PHEX: variants seen among roughly 807,000 people sequenced by gnomAD.
The protein encoded by PHEX is phosphate regulating endopeptidase X-linked, also known as phosphate-regulating neutral endopeptidase PHEX.
A neutral mutation model predicts 68.0 loss-of-function variants in PHEX; 16 were observed. That is an observed-to-expected ratio of 0.24 (90% CI 0.16 to 0.36). The LOEUF is 0.36. PHEX is among the 10% of genes least tolerant of loss of function. The pLI, the probability that PHEX is intolerant of heterozygous loss-of-function variation, is 1.00. For missense variants in PHEX, 480 were observed against 575.5 expected (o/e 0.83, Z 1.70); for synonymous variants, 208 against 205.1 (o/e 1.01, Z -0.12).
intron 3 of PHEX, among the ~76,000 whole-genome samples, chrX:22,052,032 G>T (rs2146992525): frequency 9.0e-6 from 1 of 110,875 alleles, no homozygotes; most frequent in East Asian, 2.8e-4. Flanking sequence ...TGTCAGTCTA[G>T]CTACCTAGTC....
At chrX:22,231,742 G>T (rs1332058930) in intron 20 of PHEX, among the ~76,000 whole-genome samples, 1 of 111,269 alleles carries the variant, frequency 9.0e-6, no homozygotes, top group Non-Finnish European at 1.9e-5. Context: ...TTGATTTTTT[G>T]AAGGGTTTTT....
intron 15 of PHEX, among the ~76,000 whole-genome samples, chrX:22,198,226 TATC>T (rs760067032): frequency 2.9e-5 from 3 of 104,006 alleles, no homozygotes; most frequent in South Asian, 7.9e-4. Context: ...GTATATATAA[TATC>T]ATTTAATCTT....
rs768219343 is a variant in PHEX at position 22,212,879 on chromosome X, T to C, written c.1646-25T>C. ...ATCATTGAATCAATCTCTCTATATCTCTTAACATTTTTTCCTTCTCATAGG... is the reference window on the plus strand; with the variant it reads ...ATCATTGAATCAATCTCTCTATATCCCTTAACATTTTTTCCTTCTCATAGG... On this transcript the variant is annotated intron_variant, in intron 15 of 21. Transcript: ENST00000379374. 40 of 1,148,168 alleles carry C rather than the reference T, an allele frequency of 3.5e-5. 1 individual carries two copies. The South Asian group carries it at 7.2e-4, about 21-fold the overall frequency. 94.6% of individuals were successfully genotyped at this position (1,148,168 alleles called of 1,213,427 possible). A position where few individuals can be genotyped will look rare whatever the true frequency, so the allele number is the denominator to read the frequency against.
At chrX:22,202,473 C>T (rs915512412) in intron 15 of PHEX, among the ~76,000 whole-genome samples, 1 of 111,871 alleles carries the variant, frequency 8.9e-6, no homozygotes, top group African/African-American at 3.2e-5. Context: ...CTCAAGAAAG[C>T]AGTACAAATT....
chrX:22,165,548 AC>A (rs1933285783), intron 12 of PHEX, among the ~76,000 whole-genome samples: 1 of 110,337 alleles, frequency 9.1e-6, no homozygotes, highest in African/African-American at 3.3e-5. Context: ...AGGCAAATAA[AC>A]CCCCAGGAAC....
intron 20 of PHEX, among the ~76,000 whole-genome samples, chrX:22,236,289 T>C (rs1239886164): frequency 1.8e-5 from 2 of 112,494 alleles, no homozygotes; most frequent in African/African-American, 3.2e-5. Flanking sequence ...TCCTTTTATC[T>C]TTCTTACTTT....
intron 2 of PHEX, among the ~76,000 whole-genome samples, chrX:22,046,563 C>CTTTTTTTTT (rs529373663): frequency 1.3e-5 from 1 of 77,020 alleles, no homozygotes. Flanking sequence ...TATCCATTCC[C>CTTTTTTTTT]TTTTTTTTTT....
At chrX:22,102,433 G>A (rs1371129630) in intron 9 of PHEX, among the ~76,000 whole-genome samples, 9 of 112,194 alleles carry the variant, frequency 8.0e-5, no homozygotes, top group South Asian at 3.6e-4. Context: ...ATGGTCCTCC[G>A]TTGTGTATAT....
chrX:22,090,352 G>A (rs1929824242), intron 5 of PHEX, 77 bp from the exon 6 acceptor site: 5 of 807,176 alleles, frequency 6.2e-6, no homozygotes, highest in South Asian at 6.2e-5. Flanking sequence ...GGATGCAGAC[G>A]ATTTCATCAC....
intron 3 of PHEX, among the ~76,000 whole-genome samples, chrX:22,049,837 G>A (rs1438977734): frequency 9.0e-6 from 1 of 110,626 alleles, no homozygotes; most frequent in African/African-American, 3.3e-5. Context: ...CACTCCAGCC[G>A]GGGCAACAAG....
chrX:22,247,810 C>T, intron 21 of PHEX, 41 bp from the exon 22 acceptor site: 1 of 940,255 alleles, frequency 1.1e-6, no homozygotes. Flanking sequence ...TGTTGATGTG[C>T]AAGAATTATA....
chrX:22,057,691 A>T (rs1387782954), intron 3 of PHEX, among the ~76,000 whole-genome samples: 1 of 111,509 alleles, frequency 9.0e-6, no homozygotes, highest in African/African-American at 3.3e-5. Context: ...ATTTGTGTAC[A>T]TGCTTGCTGT....
rs186164434 is a variant in PHEX at position 22,166,210 on chromosome X, C to A, written c.1405-2102C>A. 3.3e-4 allele frequency among the ~76,000 whole-genome samples: 37 copies of A among 112,161 alleles called. No individual in the cohort carries two copies. The East Asian group carries it at 9.8e-3, about 30-fold the overall frequency. ...GCCTCCAATCTTTCTGGCATCCTGG[C>A]CATCTTTCACAATGTTGCAAAGATA... On this transcript the variant is annotated intron_variant, in intron 12 of 21. Coordinates refer to ENST00000379374, the MANE Select transcript of PHEX (RefSeq NM_000444.6).
rs186747573 is a variant in PHEX at position 22,144,376 on chromosome X, A to C, written c.1404+10752A>C. On this transcript the variant is annotated intron_variant, in intron 12 of 21. Transcript: ENST00000379374. ...AGAATTTTATTAAACTTTGCCTCTA[A>C]TATTTAAAAATATTTTTATGGAAAT... Among the ~76,000 whole-genome samples, 253 of 111,613 alleles carry C rather than the reference A, an allele frequency of 2.3e-3. 4 individuals are homozygous for C. Among genetic ancestry groups the C allele is most frequent in the African/African-American group, 7.8e-3 (239 of 30,747 alleles).
rs1936477102 is a variant in PHEX at position 22,249,083 on chromosome X, G to C, written c.*1130G>C. On this transcript the variant is annotated 3_prime_UTR_variant, in exon 22 of 22. Transcript: ENST00000379374. ...TTATTGATTCAATTTAAAATTCCCT[G>C]CATAGTCCAAATAAACATAATTTTT... is the stretch of plus-strand genomic sequence containing the variant. 1 of 109,521 alleles carries C rather than the reference G, an allele frequency of 9.1e-6. No individual in the cohort carries two copies. 9.0% of individuals were successfully genotyped at this position (109,521 alleles called of 1,213,427 possible). A position where few individuals can be genotyped will look rare whatever the true frequency, so the allele number is the denominator to read the frequency against.
At chrX:22,170,272 G>T (rs904267364) in intron 13 of PHEX, among the ~76,000 whole-genome samples, 2 of 111,618 alleles carry the variant, frequency 1.8e-5, no homozygotes, top group African/African-American at 6.5e-5. Context: ...GAGAACCTGG[G>T]TAACTCCATA....
chrX:22,163,846 G>A (rs1933221745), intron 12 of PHEX, among the ~76,000 whole-genome samples: 1 of 111,700 alleles, frequency 9.0e-6, no homozygotes, highest in African/African-American at 3.3e-5. Context: ...ATTACTATTT[G>A]CCTTACTTAG....
intron 3 of PHEX, among the ~76,000 whole-genome samples, chrX:22,053,757 A>G (rs756250087): frequency 2.2e-3 from 244 of 112,241 alleles, no homozygotes; most frequent in Non-Finnish European, 2.8e-3. Flanking sequence ...ATCTTTGCCA[A>G]TATTTTGTGA....
chrX:22,121,175 C>T (rs1193819644), intron 11 of PHEX, among the ~76,000 whole-genome samples: 1 of 112,247 alleles, frequency 8.9e-6, no homozygotes, highest in East Asian at 2.8e-4. Context: ...CTATTCAGGA[C>T]TATTGCAAGA....
Sources: gnomAD v4.1 joint callset for allele counts (sites outside exome capture counted in the v4.1 genomes callset) on GRCh38, gnomAD v4.1.1 for gene constraint, MANE v1.5 for transcripts, NCBI Gene and HGNC (gene_info 2026-07-23, HGNC 2026-07-21) for gene names.